The following SETBP1 variants were observed in gnomAD, a reference collection of about 807,000 sequenced individuals.
SETBP1 encodes SET-binding protein.
Under a neutral mutation model 101.0 loss-of-function variants are expected in SETBP1, and 9 were observed. The ratio of observed to expected loss-of-function variants is 0.09; its 90% CI spans 0.05 to 0.16. SETBP1 has a LOEUF of 0.16. SETBP1 is among the 10% of genes least tolerant of loss of function. The pLI is 1.00. For missense variants in SETBP1, 1,858 were observed against 2,033.8 expected (o/e 0.91, Z 1.66); for synonymous variants, 818 against 788.5 (o/e 1.04, Z -0.63).
intron 3 of SETBP1, among the ~76,000 whole-genome samples, chr18:44,892,600 G>A (rs533017590): frequency 1.3e-5 from 2 of 152,200 alleles, no homozygotes; most frequent in South Asian, 2.1e-4. Context: ...GTGATGGAGA[G>A]CTTTCTGTTG....
intron 4 of SETBP1, among the ~76,000 whole-genome samples, chr18:45,035,061 G>A (rs1314894863): frequency 6.6e-6 from 1 of 151,972 alleles, no homozygotes; most frequent in African/African-American, 2.4e-5. Context: ...GGAATGAAGG[G>A]TAATGAAGAG....
At chr18:44,933,697 G>A (rs2070890239) in intron 3 of SETBP1, among the ~76,000 whole-genome samples, 1 of 152,206 alleles carries the variant, frequency 6.6e-6, no homozygotes, top group East Asian at 1.9e-4. Context: ...TTTGATCTCA[G>A]ACTGTTGTGC....
intron 3 of SETBP1, among the ~76,000 whole-genome samples, chr18:44,875,830 A>G (rs2069390659): frequency 6.6e-6 from 1 of 152,250 alleles, no homozygotes; most frequent in African/African-American, 2.4e-5. Flanking sequence ...CATATGTGCT[A>G]GAAGTGGGAT....
At chr18:45,050,322 C>T (rs930960005) in intron 5 of SETBP1, among the ~76,000 whole-genome samples, 1 of 152,204 alleles carries the variant, frequency 6.6e-6, no homozygotes, top group African/African-American at 2.4e-5. Flanking sequence ...TCCTCACCCC[C>T]ACAACTAGTA....
At chr18:44,985,932 T>C (rs1319045127) in intron 4 of SETBP1, among the ~76,000 whole-genome samples, 1 of 152,234 alleles carries the variant, frequency 6.6e-6, no homozygotes, top group Non-Finnish European at 1.5e-5. Context: ...CACTAGAGTC[T>C]TGTTCCCAGA....
At position 44,814,806 on chromosome 18, in the gene SETBP1, G is replaced by T. The variant is rs2071941825; in HGVS notation, c.487-54424G>T. The stretch of plus-strand genomic sequence containing the variant: ...AATCTGAACAGGTTTTTAAAAATTG[G>T]CTTGGATTGATAATCAGATTTGGTG... On this transcript the variant is annotated intron_variant, in intron 2 of 5. Coordinates refer to ENST00000649279, the MANE Select transcript of SETBP1 (RefSeq NM_015559.3). 4.6e-5 allele frequency among the ~76,000 whole-genome samples: 7 copies of T among 152,222 alleles called. No homozygotes were observed. The South Asian group carries it at 1.2e-3, about 27-fold the overall frequency.
intron 2 of SETBP1, among the ~76,000 whole-genome samples, chr18:44,864,962 C>T (rs985701644): frequency 9.2e-5 from 14 of 152,148 alleles, no homozygotes; most frequent in Admixed American, 5.2e-4. Flanking sequence ...AGGATGTGCG[C>T]TTTTCAAGGC....
At chr18:44,979,473 T>C (rs2072064211) in intron 4 of SETBP1, among the ~76,000 whole-genome samples, 1 of 152,236 alleles carries the variant, frequency 6.6e-6, no homozygotes, top group South Asian at 2.1e-4. Context: ...TGAAATTTTC[T>C]GTATAGTATT....
chr18:44,797,958 C>A (rs917443317), intron 2 of SETBP1, among the ~76,000 whole-genome samples: 2 of 152,140 alleles, frequency 1.3e-5, no homozygotes, highest in Non-Finnish European at 2.9e-5. Context: ...TCATGTTGGG[C>A]TTGCTCTTGA....
intron 2 of SETBP1, among the ~76,000 whole-genome samples, chr18:44,706,664 G>T (rs1239811255): frequency 6.8e-6 from 1 of 147,394 alleles, no homozygotes; most frequent in African/African-American, 2.5e-5. Context: ...TTTCCAAGCT[G>T]GGCAAGGCTT....
intron 2 of SETBP1, among the ~76,000 whole-genome samples, chr18:44,725,792 T>A (rs1162194656): frequency 6.6e-6 from 1 of 152,094 alleles, no homozygotes; most frequent in South Asian, 2.1e-4. Flanking sequence ...CTCAGATTAT[T>A]TTCATCAACA....
At chr18:45,015,526 C>T (rs536686854) in intron 4 of SETBP1, among the ~76,000 whole-genome samples, 1 of 152,326 alleles carries the variant, frequency 6.6e-6, no homozygotes, top group South Asian at 2.1e-4. Context: ...TCGGGTGACC[C>T]TCAGCATGCC....
chr18:44,859,417 C>G (rs557788840), intron 2 of SETBP1, among the ~76,000 whole-genome samples: 317 of 152,266 alleles, frequency 2.1e-3, no homozygotes, highest in Non-Finnish European at 3.6e-3. Flanking sequence ...AGGGAGATAG[C>G]AACCTTCCAT....
chr18:45,011,657 C>T (rs1026406556), intron 4 of SETBP1, among the ~76,000 whole-genome samples: 5 of 152,206 alleles, frequency 3.3e-5, no homozygotes, highest in South Asian at 2.1e-4. Context: ...TTGTGCTATT[C>T]TAGAGCTATG....
At chr18:44,894,153 C>T (rs918646415) in intron 3 of SETBP1, among the ~76,000 whole-genome samples, 3 of 152,132 alleles carry the variant, frequency 2.0e-5, no homozygotes, top group South Asian at 4.1e-4. Flanking sequence ...CTCATAGATT[C>T]CTAACTCATC....
At chr18:44,881,086 A>G (rs2069520865) in intron 3 of SETBP1, among the ~76,000 whole-genome samples, 1 of 152,294 alleles carries the variant, frequency 6.6e-6, no homozygotes, top group East Asian at 1.9e-4. Flanking sequence ...TGGCCTTGGG[A>G]TCATATCAAA....
chr18:44,970,220 G>A (rs762623996), intron 4 of SETBP1: 9 of 154,706 alleles, frequency 5.8e-5, no homozygotes, highest in Non-Finnish European at 1.0e-4. Flanking sequence ...GAAAGGAAAT[G>A]GGAAAAGAAA....
chr18:45,017,552 A>G (rs999923456), intron 4 of SETBP1, among the ~76,000 whole-genome samples: 1 of 152,208 alleles, frequency 6.6e-6, no homozygotes, highest in Admixed American at 6.5e-5. Flanking sequence ...AGGGACTGGG[A>G]TATGGTTTTC....
rs1432380196 is a variant in SETBP1, at chr18:44,968,472, C to G, written c.4000+15132C>G. On this transcript the variant is annotated intron_variant, in intron 4 of 5. Transcript: ENST00000649279. ...GTGGTAAATTCATCTATGTGGACGA[C>G]CTGGGGGGAAGCCAGCTAAGTAAAG... Among the ~76,000 whole-genome samples the G allele has an allele frequency of 2.6e-5, 4 of 152,130 alleles. No individual in the cohort carries two copies. In the East Asian group the frequency reaches 7.7e-4, roughly 29 times the overall value.
Sources: allele counts gnomAD v4.1 joint callset (sites outside exome capture counted in the v4.1 genomes callset), GRCh38; gene constraint gnomAD v4.1.1; transcripts MANE v1.5; gene names NCBI Gene and HGNC (gene_info 2026-07-23, HGNC 2026-07-21).